RNF19A: variants seen among roughly 807,000 people sequenced by gnomAD.
RNF19A encodes the protein E3 ubiquitin-protein ligase RNF19A.
In RNF19A, 32 loss-of-function variants were observed where a neutral mutation model predicts 75.7. The ratio of observed to expected loss-of-function variants is 0.42; its 90% CI spans 0.32 to 0.57. The LOEUF (loss-of-function observed/expected upper bound fraction) is 0.57. RNF19A is among the 20% of genes least tolerant of loss of function. RNF19A has a pLI of 0.10. For synonymous variants in RNF19A, 335 were observed against 345.2 expected, an observed-to-expected ratio of 0.97 and a Z score of 0.33; for missense variants, 782 against 1,036.3, an observed-to-expected ratio of 0.75 and a Z score of 3.37.
Position 100,260,012 on chromosome 8 carries a change from T to C in RNF19A, c.1683-15A>G. On this transcript the variant is annotated splice_polypyrimidine_tract_variant and intron_variant, in intron 8 of 9. Transcript: ENST00000341084. This position sits in a 1 kb window ranked among gnomAD's most constrained non-coding sequence, Gnocchi z 4.1. ...GTACTTCCAACCTTAAAGGGGGGTA[T>C]GAAATCACCAAAATTATATTTAATA... The C allele has an allele frequency of 3.1e-6, 5 of 1,609,304 alleles. No homozygotes were observed. Among genetic ancestry groups the C allele is most frequent in the Non-Finnish European group, 3.4e-6 (4 of 1,176,170 alleles).
upstream of RNF19A, chr8:100,310,149 T>G (rs1822246324): frequency 1.0e-6 from 1 of 984,734 alleles, no homozygotes. Flanking sequence ...CTCCCACTTC[T>G]TCCTCCCGCC....
intron 1 of RNF19A, among the ~76,000 whole-genome samples, chr8:100,291,833 A>G (rs1821308087): frequency 6.6e-6 from 1 of 152,222 alleles, no homozygotes; most frequent in South Asian, 2.1e-4. Context: ...AGAGCAGTGT[A>G]CCTATGTCTT....
At chr8:100,292,042 A>G (rs1821323163) in intron 1 of RNF19A, among the ~76,000 whole-genome samples, 1 of 146,290 alleles carries the variant, frequency 6.8e-6, no homozygotes, top group Non-Finnish European at 1.5e-5. Context: ...TCTACTGATC[A>G]CTAACTTGGT....
chr8:100,332,167 A>G lies in RNF19A; in HGVS notation c.-243+3941T>C, dbSNP rs1270333022. The stretch of plus-strand genomic sequence containing the variant: ...TTTAAAGGATATGTCCACTTTCCAT[A>G]CTGATATCTGATTTGGTTTGGCTCT... On this transcript the variant is annotated intron_variant, in intron 1 of 3. Transcript: ENST00000519527. This position sits in a 1 kb window ranked among gnomAD's most constrained non-coding sequence, Gnocchi z 4.8. Among the ~76,000 whole-genome samples the G allele has an allele frequency of 6.6e-6, 1 of 152,164 alleles. No individual in the cohort carries two copies. The highest frequency in any genetic ancestry group is 1.5e-5 in the Non-Finnish European group (1 of 68,022).
At chr8:100,334,544 C>T (rs1822650945) in intron 1 of RNF19A, among the ~76,000 whole-genome samples, 1 of 152,222 alleles carries the variant, frequency 6.6e-6, no homozygotes, top group African/African-American at 2.4e-5. Context: ...TTATAAGTAT[C>T]TGGGGAGCTT....
At chr8:100,315,451 T>C (rs1822359184) in intron 1 of RNF19A, among the ~76,000 whole-genome samples, 1 of 152,128 alleles carries the variant, frequency 6.6e-6, no homozygotes, top group East Asian at 1.9e-4. Flanking sequence ...GTCTCCACCA[T>C]CATTTCACCT....
chr8:100,286,544 C>T (rs984803548), intron 2 of RNF19A, among the ~76,000 whole-genome samples: 4 of 152,164 alleles, frequency 2.6e-5, no homozygotes, highest in Admixed American at 6.5e-5. Context: ...CACTACTTTT[C>T]TCATTTAAAA....
intron 1 of RNF19A, among the ~76,000 whole-genome samples, chr8:100,335,823 C>T (rs1282111274): frequency 6.6e-6 from 1 of 152,220 alleles, no homozygotes; most frequent in Non-Finnish European, 1.5e-5. Context: ...TGCGGAGGTG[C>T]GGGCCTAGAC....
At chr8:100,334,565 G>A (rs117606223) in intron 1 of RNF19A, among the ~76,000 whole-genome samples, 521 of 152,262 alleles carry the variant, frequency 3.4e-3, no homozygotes, top group Non-Finnish European at 5.2e-3. Flanking sequence ...TAAAAAATAT[G>A]GCTGCTCACC....
rs1821080781 is a variant in RNF19A at position 100,287,544 on chromosome 8, C to T, written c.631G>A (p.Val211Ile). ...CACCACCTACAATCAGGATCTGCAA[C>T]AAGCCACCGTCTAAGCATAAATTCT... Reference protein sequence around the residue: ...YEEFMLRRWLVADPDCRWCPA... With the variant: ...YEEFMLRRWLIADPDCRWCPA... Residue 211 changes from valine (V) to isoleucine (I), a missense_variant, in exon 2 of 10, where the codon GTT becomes ATT. Physicochemically the swap from Val to Ile is conservative, Grantham distance 29. This residue lies in a region of RNF19A where 85 missense variants were observed against 177.7 expected (regional missense o/e 0.48). Coordinates refer to ENST00000341084, the MANE Select transcript of RNF19A (RefSeq NM_183419.4). This position sits in a 1 kb window ranked among gnomAD's most constrained non-coding sequence, Gnocchi z 4.1. 3 of 1,613,950 alleles carry T rather than the reference C, an allele frequency of 1.9e-6. No individual in the cohort carries two copies. The highest frequency in any genetic ancestry group is 2.5e-6 in the Non-Finnish European group (3 of 1,179,870).
intron 2 of RNF19A, among the ~76,000 whole-genome samples, chr8:100,286,577 G>A (rs926635732): frequency 6.6e-6 from 1 of 152,140 alleles, no homozygotes; most frequent in East Asian, 1.9e-4. Flanking sequence ...GGTTAGATGC[G>A]ATCTGAAAAT....
chr8:100,280,035 A>T (rs1431583319), intron 2 of RNF19A, among the ~76,000 whole-genome samples: 2 of 151,786 alleles, frequency 1.3e-5, no homozygotes, highest in Non-Finnish European at 2.9e-5. Context: ...TTATCTCTAT[A>T]CTCCCTATGA....
chr8:100,317,419 C>G lies in RNF19A; in HGVS notation c.-242-4047G>C, dbSNP rs1822400421. ...TTCTTCCACTAGATCTCTCACTGGG[C>G]CCTTCAGAGAGTGCCAGGGGAAAGG... is the stretch of plus-strand genomic sequence containing the variant. On this transcript the variant is annotated intron_variant, in intron 1 of 3. Coordinates refer to the RNF19A transcript ENST00000519527. The surrounding 1 kb of genome is among the most constrained non-coding windows in gnomAD (Gnocchi z 4.3). Among the ~76,000 whole-genome samples, 1 of 152,240 alleles carries G rather than the reference C, an allele frequency of 6.6e-6. No individual in the cohort carries two copies. Among genetic ancestry groups the G allele is most frequent in the South Asian group, 2.1e-4 (1 of 4,834 alleles).
chr8:100,269,906 A>G lies in RNF19A; in HGVS notation c.991T>C (p.Leu331=). The G allele has an allele frequency of 6.2e-7, 1 of 1,610,272 alleles. No homozygotes were observed. The highest frequency in any genetic ancestry group is 8.5e-7 in the Non-Finnish European group (1 of 1,178,288). ...CAVCGCEFCW[L]CMKEISDLHY... ...AAATCTGAGATTTCTTTCATACACAACCAACAAAACTCACAACCACAAACA... is the reference window on the plus strand; with the variant it reads ...AAATCTGAGATTTCTTTCATACACAGCCAACAAAACTCACAACCACAAACA... Residue 331 remains leucine (L), a synonymous_variant, in exon 4 of 10, where the codon TTG becomes CTG. Transcript: ENST00000341084. This position sits in a 1 kb window ranked among gnomAD's most constrained non-coding sequence, Gnocchi z 5.7.
chr8:100,305,325 T>C (rs966196208), intron 1 of RNF19A, among the ~76,000 whole-genome samples: 3 of 152,168 alleles, frequency 2.0e-5, no homozygotes, highest in African/African-American at 4.8e-5. Context: ...AATTCGAAGG[T>C]GTATGCAATT....
intron 3 of RNF19A, among the ~76,000 whole-genome samples, chr8:100,271,245 C>CT (rs1409780733): frequency 1.3e-5 from 2 of 151,438 alleles, no homozygotes; most frequent in Admixed American, 6.6e-5. Context: ...AACTGATACT[C>CT]TAAGCAGCCA....
intron 3 of RNF19A, among the ~76,000 whole-genome samples, chr8:100,272,903 T>A (rs1341846471): frequency 6.6e-6 from 1 of 151,562 alleles, no homozygotes; most frequent in Admixed American, 6.6e-5. Flanking sequence ...TCTCACTCTG[T>A]CACCCAGGCT....
At position 100,332,093 on chromosome 8, in the gene RNF19A, C is replaced by T. The variant is rs1045047886; in HGVS notation, c.-243+4015G>A. 6.6e-6 allele frequency among the ~76,000 whole-genome samples: 1 copy of T among 152,192 alleles called. No homozygotes were observed. The highest frequency in any genetic ancestry group is 6.5e-5 in the Admixed American group (1 of 15,284). On this transcript the variant is annotated intron_variant, in intron 1 of 3. Coordinates refer to the RNF19A transcript ENST00000519527. The surrounding 1 kb of genome is among the most constrained non-coding windows in gnomAD (Gnocchi z 4.8). ...TATCTGGGTTATATATTATTTTACA[C>T]ATATTGTGAATTACCTGTAGGATAA...
Position 100,268,714 on chromosome 8 carries a change from C to T in RNF19A, c.1191+71G>A. 6.1e-6 allele frequency: 4 copies of T among 656,266 alleles called. No homozygotes were observed. In the East Asian group the frequency reaches 1.5e-4, roughly 25 times the overall value. 40.7% of individuals were successfully genotyped at this position (656,266 alleles called of 1,614,324 possible). A position where few individuals can be genotyped will look rare whatever the true frequency, so the allele number is the denominator to read the frequency against. On this transcript the variant is annotated intron_variant, in intron 5 of 9. Coordinates refer to ENST00000341084, the MANE Select transcript of RNF19A (RefSeq NM_183419.4). The stretch of plus-strand genomic sequence containing the variant: ...AAAAAAAAAAAAAAAACCCAAAAAT[C>T]ATCAATACTAAAAGAATACACCTAA...
Sources: allele counts gnomAD v4.1 joint callset (sites outside exome capture counted in the v4.1 genomes callset), GRCh38; gene constraint gnomAD v4.1.1; regional missense constraint gnomAD v4.1.1; non-coding constraint Gnocchi (gnomAD v3.1); transcripts MANE v1.5; gene names NCBI Gene and HGNC (gene_info 2026-07-23, HGNC 2026-07-21).